The following SRSF1 variants were observed in gnomAD, a reference collection of about 807,000 sequenced individuals.
SRSF1 encodes serine/arginine-rich splicing factor 1.
A neutral mutation model predicts 25.9 loss-of-function variants in SRSF1; 1 was observed. That is an observed-to-expected ratio of 0.04 (90% confidence interval 0.01 to 0.18). SRSF1 has a LOEUF of 0.18. SRSF1 is among the 10% of genes least tolerant of loss of function. SRSF1 has a pLI of 1.00. For synonymous variants in SRSF1, 132 were observed against 126.2 expected (o/e 1.05, Z -0.31); for missense variants, 65 against 350.5 (o/e 0.19, Z 6.50).
At chr17:57,995,551 C>T in the SRSF1 span, among the ~76,000 whole-genome samples, 1,333 of 152,310 alleles carry the variant, frequency 8.8e-3, 24 homozygotes, top group African/African-American at 0.031. Context: ...AGATGTAGTC[C>T]TACTCTAGAA....
downstream of SRSF1, among the ~76,000 whole-genome samples, chr17:57,995,944 A>G (rs546226147): frequency 2.0e-5 from 3 of 152,218 alleles, no homozygotes; most frequent in East Asian, 5.8e-4. Context: ...GGAGTTCAAA[A>G]AGTCTGAGAA....
the SRSF1 span, chr17:57,994,615 G>C: frequency 6.6e-6 from 1 of 152,120 alleles, no homozygotes; most frequent in Admixed American, 6.5e-5. Flanking sequence ...TATATCAAAT[G>C]GACAGCACTC....
chr17:57,991,958 A>T, the SRSF1 span: 1 of 152,250 alleles, frequency 6.6e-6, no homozygotes, highest in Non-Finnish European at 1.5e-5. Context: ...CCTAGTAGAC[A>T]CTGAATTCAG....
chr17:57,995,258 T>C, the SRSF1 span, among the ~76,000 whole-genome samples: 1 of 152,372 alleles, frequency 6.6e-6, no homozygotes, highest in East Asian at 1.9e-4. Flanking sequence ...TTTAAGTGTA[T>C]ACTCAGCTAT....
At chr17:57,999,210 GATC>G (rs2075376155), downstream of SRSF1, among the ~76,000 whole-genome samples, 1 of 152,168 alleles carries the variant, frequency 6.6e-6, no homozygotes, top group South Asian at 2.1e-4. Context: ...ATACTGAGAA[GATC>G]ATCACACCTG....
At chr17:57,990,509 T>TA in the SRSF1 span, 1 of 152,144 alleles carries the variant, frequency 6.6e-6, no homozygotes, top group Admixed American at 6.5e-5. Context: ...TTCCAACTGT[T>TA]AGAGGAATAT....
downstream of SRSF1, among the ~76,000 whole-genome samples, chr17:57,999,182 T>G (rs1014636443): frequency 2.0e-5 from 3 of 152,164 alleles, no homozygotes; most frequent in African/African-American, 7.2e-5. Flanking sequence ...TAAGACAAAC[T>G]TTAAGAACCT....
chr17:57,996,940 C>A (rs566221285), downstream of SRSF1, among the ~76,000 whole-genome samples: 30 of 152,098 alleles, frequency 2.0e-4, no homozygotes, highest in African/African-American at 6.8e-4. Flanking sequence ...TAGTTACCAA[C>A]AACAAAAAAA....
Position 58,005,338 on chromosome 17 carries a change from A to G in SRSF1, c.*68T>C. On this transcript the variant is annotated 3_prime_UTR_variant, in exon 4 of 4. Coordinates refer to ENST00000258962, the MANE Select transcript of SRSF1 (RefSeq NM_006924.5). This position sits in a 1 kb window ranked among gnomAD's most constrained non-coding sequence, Gnocchi z 5.2. ...ACAAAACAGTTTGAATTAAAAAATG[A>G]AAAGATTGTACTGAATAAAGGAAAA... 1.3e-6 allele frequency: 2 copies of G among 1,542,824 alleles called. No individual in the cohort carries two copies. Among genetic ancestry groups the G allele is most frequent in the South Asian group, 2.4e-5 (2 of 84,908 alleles).
chr17:58,000,035 A>G (rs1032837103), downstream of SRSF1, among the ~76,000 whole-genome samples: 1 of 152,204 alleles, frequency 6.6e-6, no homozygotes, highest in Non-Finnish European at 1.5e-5. Flanking sequence ...ATCCCAGCCT[A>G]GCACCTATTA....
chr17:58,005,725 T>C lies in SRSF1; in HGVS notation c.552+76A>G, dbSNP rs770234977. 8 of 1,612,068 alleles carry C rather than the reference T, an allele frequency of 5.0e-6. No individual in the cohort carries two copies. The highest frequency in any genetic ancestry group is 1.7e-4 in the Middle Eastern group (1 of 6,054). ...ATTTACTTGGACAACCTTGCCTGAA[T>C]CCTTACCTTGAAATTCCACTGTTAA... On this transcript the variant is annotated intron_variant, in intron 3 of 3. Coordinates refer to ENST00000258962, the MANE Select transcript of SRSF1 (RefSeq NM_006924.5). This position sits in a 1 kb window ranked among gnomAD's most constrained non-coding sequence, Gnocchi z 5.2.
Position 58,002,242 on chromosome 17 carries a change from TTACAC to T in SRSF1, c.*3159_*3163del, listed in dbSNP as rs1186416138. ...GATAAAAAGAGCTACATCCTTAAAC[TTACAC>T]TAAGTACTTAGTGAAATTCTGCATT... On this transcript the variant is annotated 3_prime_UTR_variant, in exon 4 of 4. Coordinates refer to ENST00000258962, the MANE Select transcript of SRSF1 (RefSeq NM_006924.5). 5.3e-5 allele frequency among the ~76,000 whole-genome samples: 8 copies of T among 152,218 alleles called. No homozygotes were observed. Among genetic ancestry groups the T allele is most frequent in the South Asian group, 2.1e-4 (1 of 4,826 alleles).
chr17:57,995,645 G>A, the SRSF1 span, among the ~76,000 whole-genome samples: 6 of 152,206 alleles, frequency 3.9e-5, no homozygotes, highest in African/African-American at 1.4e-4. Context: ...TATTACAGGT[G>A]TTTCTCACTT....
chr17:58,006,899 A>G (rs1429269728), intron 1 of SRSF1, 45 bp downstream of exon 1: 2 of 1,605,102 alleles, frequency 1.2e-6, no homozygotes, highest in Non-Finnish European at 8.5e-7. Flanking sequence ...TTCCCCAACT[A>G]CTCGGACCTA....
At chr17:58,006,244 T>A (rs139746168) in intron 2 of SRSF1, 99 bp downstream of exon 2, 4 of 1,412,850 alleles carry the variant, frequency 2.8e-6, no homozygotes, top group Non-Finnish European at 3.8e-6. Flanking sequence ...ATTTAAGACC[T>A]AGCATGAAAA....
rs1303773862 is a variant in SRSF1 at position 58,004,712 on chromosome 17, A to T, written c.*694T>A. The T allele has an allele frequency of 8.7e-6, 3 of 343,286 alleles. No homozygotes were observed. Among genetic ancestry groups the T allele is most frequent in the Admixed American group, 4.8e-5 (1 of 20,906 alleles). The allele number at this position is 343,286 out of a possible 1,614,324, so 21.3% of individuals were successfully genotyped here. On this transcript the variant is annotated 3_prime_UTR_variant, in exon 4 of 4. Transcript: ENST00000258962. Reference sequence around the variant, plus strand: ...CCCTATTAAAACAAAAATGGGGGGAAGGGAGCAAAATAAGTTGCTACAAAA... The same window carrying T: ...CCCTATTAAAACAAAAATGGGGGGATGGGAGCAAAATAAGTTGCTACAAAA...
chr17:58,005,933 G>A lies in SRSF1; in HGVS notation c.420C>T (p.His140=). 1.2e-6 allele frequency: 2 copies of A among 1,613,482 alleles called. No homozygotes were observed. Among genetic ancestry groups the A allele is most frequent in the Non-Finnish European group, 8.5e-7 (1 of 1,180,024 alleles). Residue 140 remains histidine (H), a synonymous_variant, in exon 3 of 4, where the codon CAC becomes CAT. Transcript: ENST00000258962. This position sits in a 1 kb window ranked among gnomAD's most constrained non-coding sequence, Gnocchi z 5.2. ...AACATACATCACCTGCTTCACGCAT[G>A]TGATCCTTTAAATCCTGCCAACTTC... ...PSGSWQDLKD[H]MREAGDVCYA... is the part of the protein sequence containing the mutation.
Position 58,005,732 on chromosome 17 carries a change from C to G in SRSF1, c.552+69G>C. On this transcript the variant is annotated intron_variant, in intron 3 of 3. Transcript: ENST00000258962. The surrounding 1 kb of genome is among the most constrained non-coding windows in gnomAD (Gnocchi z 5.2). ...TGGACAACCTTGCCTGAATCCTTAC[C>G]TTGAAATTCCACTGTTAAGACCACT... 1 of 1,612,090 alleles carries G rather than the reference C, an allele frequency of 6.2e-7. No homozygotes were observed. Among genetic ancestry groups the G allele is most frequent in the Admixed American group, 1.7e-5 (1 of 59,874 alleles).
At position 58,005,702 on chromosome 17, in the gene SRSF1, T is replaced by G. The variant is rs2075422167; in HGVS notation, c.552+99A>C. ...TAACTAAAACCAGAAATCTGGCAAT[T>G]TACTTGGACAACCTTGCCTGAATCC... On this transcript the variant is annotated intron_variant, in intron 3 of 3. Transcript: ENST00000258962. This position sits in a 1 kb window ranked among gnomAD's most constrained non-coding sequence, Gnocchi z 5.2. 3 of 1,607,956 alleles carry G rather than the reference T, an allele frequency of 1.9e-6. No homozygotes were observed. Among genetic ancestry groups the G allele is most frequent in the Admixed American group, 1.7e-5 (1 of 59,354 alleles).
Sources: gnomAD v4.1 joint callset for allele counts (sites outside exome capture counted in the v4.1 genomes callset) on GRCh38, gnomAD v4.1.1 for gene constraint, Gnocchi (gnomAD v3.1) non-coding constraint, MANE v1.5 for transcripts, NCBI Gene and HGNC (gene_info 2026-07-23, HGNC 2026-07-21) for gene names.